Variants in PRKG1 observed in about 807,000 individuals in gnomAD.
The protein encoded by PRKG1 is protein kinase cGMP-dependent 1.
PRKG1 carries 35 observed loss-of-function variants against 88.1 expected under a neutral mutation model. The observed-to-expected ratio is 0.40, with a 90% CI of 0.30 to 0.53. The LOEUF (loss-of-function observed/expected upper bound fraction) is 0.53, where lower values mean the gene tolerates loss of function less well. PRKG1 is among the 20% of genes least tolerant of loss of function. The probability of loss-of-function intolerance (pLI) is 0.59; values close to 1 mark genes in which losing one functional copy is unlikely to be tolerated. For synonymous variants in PRKG1, 303 were observed against 292.5 expected (o/e 1.04, Z -0.37); for missense variants, 540 against 839.8 (o/e 0.64, Z 4.41).
Position 51,099,758 on chromosome 10 carries a change from T to A in PRKG1, c.311+24857T>A, listed in dbSNP as rs1755483169. Among the ~76,000 whole-genome samples, 3 of 152,234 alleles carry A rather than the reference T, an allele frequency of 2.0e-5. No individual in the cohort carries two copies. The South Asian group carries it at 6.2e-4, about 31-fold the overall frequency. ...GAATATGTTCTTCTCCCTGGAAATGTGTAGGATGTCCTCTTTGTCTCTGCG... is the reference window on the plus strand; with the variant it reads ...GAATATGTTCTTCTCCCTGGAAATGAGTAGGATGTCCTCTTTGTCTCTGCG... On this transcript the variant is annotated intron_variant, in intron 1 of 17. Coordinates refer to ENST00000373980, the MANE Select transcript of PRKG1 (RefSeq NM_006258.4).
At chr10:51,571,493 A>T (rs895372118) in intron 3 of PRKG1, among the ~76,000 whole-genome samples, 4 of 151,918 alleles carry the variant, frequency 2.6e-5, no homozygotes, top group African/African-American at 9.7e-5. Context: ...TATTTATGTT[A>T]TATTAAAGAA....
rs978178933 is a variant in PRKG1, at chr10:50,991,299, G to C, written c.-80G>C. ...CGCTCACCCGCGCTCTCCGCTGCCGGCTGCCGTCCCAGCCGCCGCCGCCGC... is the reference window on the plus strand; with the variant it reads ...CGCTCACCCGCGCTCTCCGCTGCCGCCTGCCGTCCCAGCCGCCGCCGCCGC... On this transcript the variant is annotated 5_prime_UTR_variant, in exon 1 of 18. Transcript: ENST00000401604. This position sits in a 1 kb window ranked among gnomAD's most constrained non-coding sequence, Gnocchi z 4.5. 6 of 1,453,308 alleles carry C rather than the reference G, an allele frequency of 4.1e-6. No homozygotes were observed. Among genetic ancestry groups the C allele is most frequent in the African/African-American group, 1.7e-5 (1 of 59,910 alleles). 90.0% of individuals were successfully genotyped at this position (1,453,308 alleles called of 1,614,324 possible).
At chr10:51,814,433 C>T (rs1230169618) in intron 4 of PRKG1, among the ~76,000 whole-genome samples, 3 of 139,810 alleles carry the variant, frequency 2.1e-5, no homozygotes, top group Non-Finnish European at 4.5e-5. Context: ...GCTGTTAGAA[C>T]TTAATTTTTT....
At chr10:52,008,161 C>A (rs1186063823) in intron 5 of PRKG1, among the ~76,000 whole-genome samples, 1 of 152,048 alleles carries the variant, frequency 6.6e-6, no homozygotes, top group African/African-American at 2.4e-5. Context: ...ACTAAACACC[C>A]ATATCAAAAA....
chr10:51,176,002 T>G (rs930751471), intron 2 of PRKG1, among the ~76,000 whole-genome samples: 4 of 152,122 alleles, frequency 2.6e-5, no homozygotes, highest in Non-Finnish European at 5.9e-5. Context: ...AAGTACAGTT[T>G]AAGAAAGATG....
intron 8 of PRKG1, among the ~76,000 whole-genome samples, chr10:52,158,024 A>T (rs1248170361): frequency 6.6e-6 from 1 of 151,730 alleles, no homozygotes; most frequent in African/African-American, 2.4e-5. Context: ...ATGTGCATGC[A>T]TAAAGGTTTG....
chr10:51,288,478 A>C (rs1840499619), intron 2 of PRKG1, among the ~76,000 whole-genome samples: 1 of 152,184 alleles, frequency 6.6e-6, no homozygotes, highest in African/African-American at 2.4e-5. Flanking sequence ...CTTGTTTTCA[A>C]TGCAGTTTTA....
intron 3 of PRKG1, among the ~76,000 whole-genome samples, chr10:51,653,570 C>G (rs1432704074): frequency 6.6e-6 from 1 of 151,700 alleles, no homozygotes; most frequent in East Asian, 1.9e-4. Flanking sequence ...CTATTTTTTT[C>G]TTTCTTTTTT....
At chr10:52,245,017 G>T (rs966772706) in intron 9 of PRKG1, among the ~76,000 whole-genome samples, 1 of 146,202 alleles carries the variant, frequency 6.8e-6, no homozygotes, top group South Asian at 2.1e-4. Flanking sequence ...AAATTTAAAA[G>T]AATACTTTTT....
intron 3 of PRKG1, among the ~76,000 whole-genome samples, chr10:51,688,238 G>A (rs1407150517): frequency 1.3e-5 from 2 of 152,082 alleles, no homozygotes; most frequent in East Asian, 1.9e-4. Flanking sequence ...GCAGGTCTGG[G>A]TGGGCACCTA....
At chr10:52,269,667 T>G (rs1324423014) in intron 10 of PRKG1, among the ~76,000 whole-genome samples, 1 of 152,138 alleles carries the variant, frequency 6.6e-6, no homozygotes, top group Non-Finnish European at 1.5e-5. Context: ...CATGCCATGT[T>G]ATTTCCCCAA....
intron 1 of PRKG1, among the ~76,000 whole-genome samples, chr10:51,138,593 C>G (rs374222595): frequency 6.9e-6 from 1 of 145,180 alleles, no homozygotes; most frequent in Non-Finnish European, 1.5e-5. Flanking sequence ...ATATGGCAGT[C>G]TAATTTTGAT....
intron 8 of PRKG1, among the ~76,000 whole-genome samples, chr10:52,137,268 G>T (rs1239111098): frequency 6.6e-6 from 1 of 151,984 alleles, no homozygotes; most frequent in Non-Finnish European, 1.5e-5. Flanking sequence ...CAGATACATG[G>T]TGTCCTCAAA....
Position 51,893,935 on chromosome 10 carries a change from G to A in PRKG1, c.699-13572G>A, listed in dbSNP as rs150805805. On this transcript the variant is annotated intron_variant, in intron 4 of 17. Coordinates refer to ENST00000373980, the MANE Select transcript of PRKG1 (RefSeq NM_006258.4). ...TTTCAATGAATTTATATATTAGAGA[G>A]GAGACAAATATACCAACAGATGGTT... Among the ~76,000 whole-genome samples the A allele has an allele frequency of 3.2e-3, 494 of 152,170 alleles. 2 individuals are homozygous for A. Among genetic ancestry groups the A allele is most frequent in the Middle Eastern group, 6.8e-3 (2 of 294 alleles).
intron 5 of PRKG1, among the ~76,000 whole-genome samples, chr10:51,928,891 G>C (rs1842632071): frequency 6.6e-6 from 1 of 152,094 alleles, no homozygotes; most frequent in Admixed American, 6.6e-5. Flanking sequence ...TCACTATTAA[G>C]TTATTTGATC....
intron 3 of PRKG1, among the ~76,000 whole-genome samples, chr10:51,780,477 C>A (rs1343714940): frequency 6.6e-6 from 1 of 152,132 alleles, no homozygotes; most frequent in Non-Finnish European, 1.5e-5. Flanking sequence ...TTCTAAAGAA[C>A]TTTAAAATGC....
At chr10:51,175,440 C>T (rs1375147833) in intron 2 of PRKG1, among the ~76,000 whole-genome samples, 4 of 151,934 alleles carry the variant, frequency 2.6e-5, no homozygotes, top group Non-Finnish European at 5.9e-5. Context: ...TTATTTCTAT[C>T]AAACATAATT....
intron 3 of PRKG1, among the ~76,000 whole-genome samples, chr10:51,494,847 C>T (rs1404203134): frequency 6.6e-6 from 1 of 152,006 alleles, no homozygotes; most frequent in Admixed American, 6.6e-5. Context: ...TTATTCTGTT[C>T]ATTTTATTAT....
intron 3 of PRKG1, among the ~76,000 whole-genome samples, chr10:51,692,653 TTTTGTAGAGACAGGATCTCCCTGTG>T (rs1408633372): frequency 6.6e-5 from 10 of 152,146 alleles, no homozygotes; most frequent in African/African-American, 2.2e-4. Context: ...TTTTTACATT[TTTTGTAGAGACAGGATCTCCCTGTG>T]TTGCCCAGGC....
Sources: gnomAD v4.1 joint callset for allele counts (sites outside exome capture counted in the v4.1 genomes callset) on GRCh38, gnomAD v4.1.1 for gene constraint, Gnocchi (gnomAD v3.1) non-coding constraint, MANE v1.5 for transcripts, NCBI Gene and HGNC (gene_info 2026-07-23, HGNC 2026-07-21) for gene names.